Variants in TMED9 observed in about 807,000 individuals in gnomAD.
TMED9 encodes transmembrane p24 trafficking protein 9.
Under a neutral mutation model 30.6 loss-of-function variants are expected in TMED9, and 22 were observed. The ratio of observed to expected loss-of-function variants is 0.72; its 90% CI spans 0.51 to 1.03. The LOEUF (loss-of-function observed/expected upper bound fraction) is 1.03. Ranked by LOEUF, TMED9 falls within the 50% of genes least tolerant of loss-of-function variation. The pLI, the probability that TMED9 is intolerant of heterozygous loss-of-function variation, is 0.00. For synonymous variants in TMED9, 146 were observed against 122.8 expected (o/e 1.19, Z -1.25); for missense variants, 251 against 302.1 (o/e 0.83, Z 1.25).
chr5:177,593,452 C>CA, intron 2 of TMED9, 198 bp from the exon 3 acceptor site: 2 of 591,130 alleles, frequency 3.4e-6, no homozygotes, highest in Admixed American at 3.0e-5. Context: ...GTCAGACTCT[C>CA]AGAGTCTAAA....
rs151123816 is a variant in TMED9 at position 177,592,684 on chromosome 5, A to AC, written c.285+11dup. ...AGGACCCAGAGGACAAGGTGAGCCA[A>AC]CCGCCCCCCTCCTCTCCGCCAGCCT... On this transcript the variant is annotated intron_variant, in intron 2 of 4. Coordinates refer to ENST00000332598, the MANE Select transcript of TMED9 (RefSeq NM_017510.6). The AC allele has an allele frequency of 3.2e-3, 4,676 of 1,442,118 alleles. 6 individuals are homozygous for AC. Among genetic ancestry groups the AC allele is most frequent in the South Asian group, 3.8e-3 (305 of 79,868 alleles). The allele number at this position is 1,442,118 out of a possible 1,614,324, so 89.3% of individuals were successfully genotyped here.
chr5:177,597,133 G>A lies in TMED9; in HGVS notation c.*1717G>A, dbSNP rs1767705007. ...ACATGAAAAAAAAAAGTTTTTTGGCGGGCACGGTGGTTCACACCTGTAATC... is the reference window on the plus strand; with the variant it reads ...ACATGAAAAAAAAAAGTTTTTTGGCAGGCACGGTGGTTCACACCTGTAATC... On this transcript the variant is annotated 3_prime_UTR_variant, in exon 5 of 5. Coordinates refer to ENST00000332598, the MANE Select transcript of TMED9 (RefSeq NM_017510.6). Among the ~76,000 whole-genome samples the A allele has an allele frequency of 2.0e-5, 3 of 151,678 alleles. No homozygotes were observed. Among genetic ancestry groups the A allele is most frequent in the Admixed American group, 6.6e-5 (1 of 15,242 alleles).
At chr5:177,594,762 G>A (rs374848340) in intron 4 of TMED9, among the ~76,000 whole-genome samples, 19 of 152,286 alleles carry the variant, frequency 1.2e-4, no homozygotes, top group African/African-American at 2.2e-4. Context: ...ATTTTTATGC[G>A]AACATTTTAA....
At chr5:177,593,484 A>T (rs1200706035) in intron 2 of TMED9, 166 bp from the exon 3 acceptor site, 2 of 836,314 alleles carry the variant, frequency 2.4e-6, no homozygotes, top group Non-Finnish European at 3.8e-6. Context: ...GAGAGTTCTC[A>T]CACAAGCATA....
intron 4 of TMED9, 84 bp downstream of exon 4, chr5:177,594,369 T>C: frequency 6.5e-7 from 1 of 1,528,012 alleles, no homozygotes. Flanking sequence ...AAATTCATTC[T>C]GAGACCCCCA....
Position 177,595,351 on chromosome 5 carries a change from G to C in TMED9, c.643G>C (p.Val215Leu). 6.2e-7 allele frequency: 1 copy of C among 1,613,036 alleles called. No homozygotes were observed. The highest frequency in any genetic ancestry group is 8.5e-7 in the Non-Finnish European group (1 of 1,179,270). ...WWSILQTLIL[V>L]AIGVWQMRHL... Reference sequence around the variant, plus strand: ...GTCCATTCTGCAGACCCTCATCCTCGTGGCCATCGGTGTCTGGCAGATGCG... The same window carrying C: ...GTCCATTCTGCAGACCCTCATCCTCCTGGCCATCGGTGTCTGGCAGATGCG... Residue 215 changes from valine (V) to leucine (L), a missense_variant, in exon 5 of 5, where the codon GTG (valine) becomes CTG (leucine). Physicochemically the swap from Val to Leu is conservative, Grantham distance 32. Transcript: ENST00000332598.
Position 177,592,227 on chromosome 5 carries a change from C to A in TMED9, c.13C>A (p.Leu5Met). MAVE[L>M]GVLLVRPRPG... ...CAGGTGGAGCAAGATGGCTGTGGAG[C>A]TGGGCGTGCTGCTCGTCCGGCCCCG... The change falls in exon 1 of 5, where the codon CTG becomes ATG. Residue 5 changes from leucine to methionine, a missense_variant. By Grantham distance (15) the Leu-to-Met change is conservative. This residue lies in a region of TMED9 where 98 missense variants were observed against 62.5 expected (regional missense o/e 1.57). Coordinates refer to ENST00000332598, the MANE Select transcript of TMED9 (RefSeq NM_017510.6). The A allele has an allele frequency of 6.2e-7, 1 of 1,605,920 alleles. No individual in the cohort carries two copies. The highest frequency in any genetic ancestry group is 1.7e-5 in the Admixed American group (1 of 59,216).
At position 177,595,280 on chromosome 5, in the gene TMED9, G is replaced by A. The variant is rs199622092; in HGVS notation, c.572G>A (p.Arg191His). 15 of 1,595,524 alleles carry A rather than the reference G, an allele frequency of 9.4e-6. No individual in the cohort carries two copies. Among genetic ancestry groups the A allele is most frequent in the East Asian group, 2.3e-5 (1 of 43,990 alleles). The change falls in exon 5 of 5, where the codon CGC (arginine) becomes CAC (histidine). Residue 191 changes from arginine to histidine, a missense_variant. Arg to His is a conservative substitution (Grantham distance 29). Around this residue, in one of 2 missense-constraint regions of TMED9, gnomAD observed 153 missense variants for 239.6 expected, o/e 0.64. Coordinates refer to ENST00000332598, the MANE Select transcript of TMED9 (RefSeq NM_017510.6). ...EQNYQRWREERFRQTSESTNQ... is the reference protein window; with the variant it reads ...EQNYQRWREEHFRQTSESTNQ... ...ATTCCCCTGCAGTGGCGAGAGGAGC[G>A]CTTCCGGCAGACCAGTGAGAGCACC...
At chr5:177,593,262 G>C in intron 2 of TMED9, 1 of 171,820 alleles carries the variant, frequency 5.8e-6, no homozygotes, top group Non-Finnish European at 1.2e-5. Flanking sequence ...GGAAGCTGAG[G>C]CTGCAGTGAG....
At chr5:177,594,941 A>G (rs2127507824) in intron 4 of TMED9, among the ~76,000 whole-genome samples, 2 of 152,288 alleles carry the variant, frequency 1.3e-5, no homozygotes, top group East Asian at 3.9e-4. Context: ...GCAGTGTGGG[A>G]GACCTAGGCA....
intron 4 of TMED9, 148 bp downstream of exon 4, chr5:177,594,433 C>A: frequency 1.1e-6 from 1 of 928,724 alleles, no homozygotes; most frequent in Non-Finnish European, 1.6e-6. Flanking sequence ...ACTAACTCGA[C>A]CTTGTAATTG....
chr5:177,592,738 C>G (rs1442417845), intron 2 of TMED9, 63 bp downstream of exon 2: 4 of 1,171,932 alleles, frequency 3.4e-6, no homozygotes, highest in Non-Finnish European at 4.9e-6. Flanking sequence ...GGTACTTCCT[C>G]TTCTAGTTCC....
At chr5:177,594,990 C>T (rs928248244) in intron 4 of TMED9, among the ~76,000 whole-genome samples, 2 of 152,186 alleles carry the variant, frequency 1.3e-5, no homozygotes, top group Admixed American at 1.3e-4. Flanking sequence ...TGCTCCAGGA[C>T]AGCTCTGCCT....
chr5:177,593,622 C>G, intron 2 of TMED9, 28 bp from the exon 3 acceptor site: 1 of 1,613,790 alleles, frequency 6.2e-7, no homozygotes, highest in Non-Finnish European at 8.5e-7. Flanking sequence ...TACCATAATA[C>G]TGACTGAAGC....
At chr5:177,592,762 G>C in intron 2 of TMED9, 87 bp downstream of exon 2, 1 of 945,058 alleles carries the variant, frequency 1.1e-6, no homozygotes, top group South Asian at 1.6e-5. Context: ...ATCTGCTAAA[G>C]TGGGAGAGAC....
rs1237952238 is a variant in TMED9, at chr5:177,594,168, A to G, written c.441A>G (p.Glu147=). The G allele has an allele frequency of 6.2e-7, 1 of 1,614,234 alleles. No individual in the cohort carries two copies. The highest frequency in any genetic ancestry group is 2.2e-5 in the East Asian group (1 of 44,890). The change falls in exon 4 of 5, where the codon GAA becomes GAG. Residue 147 remains glutamate (E), a synonymous_variant. Transcript: ENST00000332598. ...LRVHLDIQVG[E]HANDYAEIAA... ...TTCACCTGGACATCCAGGTAGGTGAACATGCCAATGACTATGCAGAAATTG... is the reference window on the plus strand; with the variant it reads ...TTCACCTGGACATCCAGGTAGGTGAGCATGCCAATGACTATGCAGAAATTG...
chr5:177,595,158 T>C, intron 4 of TMED9, 109 bp from the exon 5 acceptor site: 1 of 1,271,078 alleles, frequency 7.9e-7, no homozygotes, highest in Non-Finnish European at 1.1e-6. Flanking sequence ...TTGCAGGCAC[T>C]TGGCTGGAAC....
chr5:177,594,607 A>G (rs1046664606), intron 4 of TMED9, among the ~76,000 whole-genome samples: 10 of 152,140 alleles, frequency 6.6e-5, no homozygotes, highest in African/African-American at 2.4e-4. Flanking sequence ...AGAGATTACC[A>G]TAAGTGAATC....
At chr5:177,594,482 C>T (rs1767649053) in intron 4 of TMED9, among the ~76,000 whole-genome samples, 197 bp downstream of exon 4, 1 of 152,222 alleles carries the variant, frequency 6.6e-6, no homozygotes, top group African/African-American at 2.4e-5. Flanking sequence ...TGCCCTAAAT[C>T]ACAGTTACAC....
Sources: gnomAD v4.1 joint callset for allele counts (sites outside exome capture counted in the v4.1 genomes callset) on GRCh38, gnomAD v4.1.1 for gene constraint, gnomAD v4.1.1 regional missense constraint, MANE v1.5 for transcripts, NCBI Gene and HGNC (gene_info 2026-07-23, HGNC 2026-07-21) for gene names.